CD99: variants seen among roughly 807,000 people sequenced by gnomAD.
CD99 encodes CD99 molecule (Xg blood group).
Under a neutral mutation model 28.4 loss-of-function variants are expected in CD99, and 19 were observed. The observed-to-expected ratio is 0.67, with a 90% CI of 0.47 to 0.98. The LOEUF is 0.98. Among genes scored for constraint, CD99 ranks in the 50% least tolerant of loss-of-function variants. The pLI is 0.00. For missense variants in CD99, 283 were observed against 248.8 expected (o/e 1.14, Z -0.92); for synonymous variants, 103 against 92.1 (o/e 1.12, Z -0.67).
At chrX:2,699,598 A>G (rs2047750255) in intron 1 of CD99, among the ~76,000 whole-genome samples, 1 of 151,124 alleles carries the variant, frequency 6.6e-6, no homozygotes, top group South Asian at 2.1e-4. Context: ...AGCCTCCCTC[A>G]GGCGTGAGCT....
chrX:2,698,559 C>A (rs1203226218), intron 1 of CD99, among the ~76,000 whole-genome samples: 1 of 151,926 alleles, frequency 6.6e-6, no homozygotes, highest in Non-Finnish European at 1.5e-5. Flanking sequence ...CTCGAACCCC[C>A]AGGCTCAGGT....
At chrX:2,694,871 G>A (rs1283110066) in intron 1 of CD99, among the ~76,000 whole-genome samples, 2 of 152,098 alleles carry the variant, frequency 1.3e-5, no homozygotes, top group African/African-American at 4.8e-5. Context: ...GTAAATGATT[G>A]TTTGTCTGGA....
At chrX:2,713,662 G>C (rs1444127471) in intron 1 of CD99, among the ~76,000 whole-genome samples, 2 of 152,180 alleles carry the variant, frequency 1.3e-5, no homozygotes, top group East Asian at 3.9e-4. Flanking sequence ...GGGCTCCTGC[G>C]GGTTGTTCTT....
intron 9 of CD99, among the ~76,000 whole-genome samples, chrX:2,739,168 C>G (rs1490520699): frequency 6.6e-6 from 1 of 152,124 alleles, no homozygotes; most frequent in Non-Finnish European, 1.5e-5. Context: ...CGCACCCAGC[C>G]TGCTATCACC....
intron 1 of CD99, among the ~76,000 whole-genome samples, chrX:2,694,083 C>G (rs2047456250): frequency 6.6e-6 from 1 of 152,262 alleles, no homozygotes; most frequent in Non-Finnish European, 1.5e-5. Flanking sequence ...AGCCTGCCGT[C>G]CCGACAGTAG....
intron 1 of CD99, among the ~76,000 whole-genome samples, chrX:2,699,584 C>T (rs1337677068): frequency 6.6e-6 from 1 of 151,676 alleles, no homozygotes; most frequent in African/African-American, 2.4e-5. Flanking sequence ...GATTCTTCTG[C>T]CTCAGCCTCC....
At chrX:2,727,482 T>C (rs745778478) in intron 8 of CD99, 4 of 691,194 alleles carry the variant, frequency 5.8e-6, no homozygotes, top group African/African-American at 5.3e-5. Context: ...GCTACTCTTA[T>C]TTTTTATTTC....
intron 1 of CD99, among the ~76,000 whole-genome samples, chrX:2,705,676 G>C (rs1339599638): frequency 1.3e-5 from 2 of 152,064 alleles, no homozygotes; most frequent in East Asian, 3.9e-4. Flanking sequence ...AGTCGCCATG[G>C]TGTCTCTGAG....
Position 2,722,670 on chromosome X carries a change from A to G in CD99, c.306A>G (p.Gly102=), listed in dbSNP as rs767983353. Reference sequence around the variant, plus strand: ...ACCTTGCGGATGGCGTTTCAGGTGGAGAAGGTACAGTTATCTTGTTTTCTG... The same window carrying G: ...ACCTTGCGGATGGCGTTTCAGGTGGGGAAGGTACAGTTATCTTGTTTTCTG... ...DADLADGVSG[G]EGKGGSDGGG... is the part of the protein sequence containing the mutation. Residue 102 remains glycine (G), a synonymous_variant, in exon 6 of 10, where the codon GGA becomes GGG. Transcript: ENST00000381192. 4 of 1,613,860 alleles carry G rather than the reference A, an allele frequency of 2.5e-6. No homozygotes were observed. Among genetic ancestry groups the G allele is most frequent in the Non-Finnish European group, 3.4e-6 (4 of 1,179,804 alleles).
intron 8 of CD99, among the ~76,000 whole-genome samples, chrX:2,729,424 G>C (rs1190515951): frequency 1.1e-5 from 1 of 90,964 alleles, no homozygotes; most frequent in Non-Finnish European, 2.3e-5. Flanking sequence ...CATGGCTGGG[G>C]AGGCCTCAGG....
chrX:2,736,798 A>G (rs1449465156), intron 8 of CD99, among the ~76,000 whole-genome samples: 5 of 152,040 alleles, frequency 3.3e-5, no homozygotes, highest in Non-Finnish European at 7.4e-5. Flanking sequence ...CGGAGGTTGC[A>G]GTGAGCTGAT....
intron 8 of CD99, chrX:2,733,183 G>A: frequency 5.2e-6 from 1 of 191,576 alleles, no homozygotes; most frequent in Non-Finnish European, 9.5e-6. Flanking sequence ...CTTAATTTTG[G>A]TTTCCACTTC....
At chrX:2,725,409 CAAT>C (rs773376665) in intron 7 of CD99, among the ~76,000 whole-genome samples, 2 of 152,000 alleles carry the variant, frequency 1.3e-5, no homozygotes, top group Non-Finnish European at 2.9e-5. Context: ...AAATAATACA[CAAT>C]AATAATAATT....
intron 1 of CD99, among the ~76,000 whole-genome samples, chrX:2,709,985 C>T (rs1035222969): frequency 6.6e-6 from 1 of 152,156 alleles, no homozygotes; most frequent in African/African-American, 2.4e-5. Flanking sequence ...AAAATGTGTA[C>T]CACATGTGAC....
In CD99 at chrX:2,726,269, C is replaced by T. The variant is rs1174870283; in HGVS notation, c.371C>T (p.Pro124Leu). ...HRKEGEEADA[P>L]GVIPGIVGAV... ...GTGCTTCCTCCTGCAGCCGACGCCC[C>T]AGGCGTGATCCCCGGGATTGTGGGG... Residue 124 changes from proline (P) to leucine (L), a missense_variant, in exon 8 of 10, where the codon CCA becomes CTA. Coordinates refer to ENST00000381192, the MANE Select transcript of CD99 (RefSeq NM_002414.5). 1.9e-6 allele frequency: 3 copies of T among 1,609,212 alleles called. No individual in the cohort carries two copies. Among genetic ancestry groups the T allele is most frequent in the Non-Finnish European group, 2.5e-6 (3 of 1,177,178 alleles).
chrX:2,723,281 C>G lies in CD99; in HGVS notation c.311-33C>G, dbSNP rs771163916. ...TGTGAATTTTTCCTTGACCCCAAAC[C>G]TTCCCATTGCAGACGTTGTTTTTGT... On this transcript the variant is annotated intron_variant, in intron 6 of 9. Coordinates refer to ENST00000381192, the MANE Select transcript of CD99 (RefSeq NM_002414.5). 3 of 1,613,324 alleles carry G rather than the reference C, an allele frequency of 1.9e-6. No individual in the cohort carries two copies. The South Asian group carries it at 3.3e-5, about 18-fold the overall frequency.
chrX:2,700,597 C>T lies in CD99; in HGVS notation c.67+9170C>T, dbSNP rs768799762. On this transcript the variant is annotated intron_variant, in intron 1 of 9. Transcript: ENST00000381192. The stretch of plus-strand genomic sequence containing the variant: ...CCATCCATCCATCCGTCGTCCCATT[C>T]CTTTATCCATCCGTTAATGCACCTG... Among the ~76,000 whole-genome samples, 3 of 151,858 alleles carry T rather than the reference C, an allele frequency of 2.0e-5. No homozygotes were observed. The East Asian group carries it at 5.9e-4, about 30-fold the overall frequency.
chrX:2,721,768 A>G (rs1206916695), intron 5 of CD99, among the ~76,000 whole-genome samples: 2 of 152,172 alleles, frequency 1.3e-5, no homozygotes, highest in African/African-American at 4.8e-5. Context: ...CATACTACAT[A>G]TATAATTATA....
intron 1 of CD99, among the ~76,000 whole-genome samples, chrX:2,694,469 G>A (rs149026209): frequency 3.9e-4 from 59 of 152,022 alleles, no homozygotes; most frequent in African/African-American, 1.4e-3. Flanking sequence ...CCCTACTTTA[G>A]GCCGAGCACG....
Sources: allele counts gnomAD v4.1 joint callset (sites outside exome capture counted in the v4.1 genomes callset), GRCh38; gene constraint gnomAD v4.1.1; transcripts MANE v1.5; gene names NCBI Gene and HGNC (gene_info 2026-07-23, HGNC 2026-07-21).